Variants in SCN10A observed in about 807,000 individuals in gnomAD.
SCN10A encodes the protein sodium voltage-gated channel alpha subunit 10, also known as sodium channel protein type 10 subunit alpha.
SCN10A carries 162 observed loss-of-function variants against 170.7 expected under a neutral mutation model. The ratio of observed to expected loss-of-function variants is 0.95; its 90% CI spans 0.84 to 1.08. The LOEUF is 1.08. Ranked by LOEUF, SCN10A falls within the 50% of genes least tolerant of loss-of-function variation. SCN10A has a pLI of 0.00. For missense variants in SCN10A, 2,527 were observed against 2,436.9 expected, an observed-to-expected ratio of 1.04 and a Z score of -0.78; for synonymous variants, 985 against 904.6, an observed-to-expected ratio of 1.09 and a Z score of -1.59.
At chr3:38,815,439 C>T (rs1023651889) in intron 1 of SCN10A, among the ~76,000 whole-genome samples, 2 of 152,182 alleles carry the variant, frequency 1.3e-5, no homozygotes, top group African/African-American at 4.8e-5. Context: ...GTCTGTGTTT[C>T]TAAAAAGTTC....
In SCN10A at chr3:38,742,499, G is replaced by T. The variant is rs760993327; in HGVS notation, c.1898C>A (p.Pro633His). The T allele has an allele frequency of 6.2e-7, 1 of 1,614,134 alleles. No homozygotes were observed. Among genetic ancestry groups the T allele is most frequent in the East Asian group, 2.2e-5 (1 of 44,874 alleles). The change falls in exon 14 of 28, where the codon CCC becomes CAC. Residue 633 changes from proline to histidine, a missense_variant. Coordinates refer to ENST00000449082, the MANE Select transcript of SCN10A (RefSeq NM_006514.4). ...CTTCTGAGACAAGCTGGTCAAGCAG[G>T]GTGGGCACTTCTGTTCAGACTCCTC... ...ELEESEQKCP[P>H]CLTSLSQKYL...
chr3:38,804,944 G>T (rs993046043), intron 1 of SCN10A, among the ~76,000 whole-genome samples: 1 of 152,132 alleles, frequency 6.6e-6, no homozygotes, highest in African/African-American at 2.4e-5. Context: ...TTCAAGAACT[G>T]CTGAGTCTTG....
At chr3:38,737,774 CT>C (rs2063581702) in intron 15 of SCN10A, among the ~76,000 whole-genome samples, 2 of 89,134 alleles carry the variant, frequency 2.2e-5, no homozygotes, top group East Asian at 4.4e-4. Flanking sequence ...CCCTCCCTCT[CT>C]CTCTCCCTCC....
At chr3:38,704,002 T>A (rs532659414) in intron 26 of SCN10A, among the ~76,000 whole-genome samples, 1 of 152,178 alleles carries the variant, frequency 6.6e-6, no homozygotes, top group African/African-American at 2.4e-5. Context: ...AAATTTAAAG[T>A]CACCCTTTAT....
At chr3:38,729,035 A>C (rs2063488379) in intron 15 of SCN10A, 134 bp from the exon 16 acceptor site, 1 of 1,111,634 alleles carries the variant, frequency 9.0e-7, no homozygotes, top group African/African-American at 1.6e-5. Flanking sequence ...TTTTCTGGAC[A>C]CTGCTTTTGG....
Position 38,726,877 on chromosome 3 carries a change from G to C in SCN10A, c.2816C>G (p.Pro939Arg). The C allele has an allele frequency of 2.5e-6, 4 of 1,614,214 alleles. No homozygotes were observed. Among genetic ancestry groups the C allele is most frequent in the Non-Finnish European group, 3.4e-6 (4 of 1,180,032 alleles). The stretch of plus-strand genomic sequence containing the variant: ...CAGCTCAGGCTCTGCCTTGGGCTGG[G>C]GGAATGGGCAGGACCTGCTGAAGAA... ...CSFFSRSCPF[P>R]QPKAEPELVV... is the part of the protein sequence containing the mutation. The change falls in exon 17 of 28, where the codon CCC (proline) becomes CGC (arginine). Residue 939 changes from proline (P) to arginine (R), a missense_variant. By Grantham distance (103) the Pro-to-Arg change is moderately radical (BLOSUM62 -2). Transcript: ENST00000449082.
chr3:38,727,640 G>T (rs1409650050), intron 16 of SCN10A, among the ~76,000 whole-genome samples: 3 of 152,156 alleles, frequency 2.0e-5, no homozygotes, highest in Non-Finnish European at 2.9e-5. Flanking sequence ...AGACTAAAGA[G>T]TCTGGATTTG....
intron 1 of SCN10A, among the ~76,000 whole-genome samples, chr3:38,807,319 A>C (rs1304419987): frequency 6.6e-6 from 1 of 152,188 alleles, no homozygotes; most frequent in African/African-American, 2.4e-5. Flanking sequence ...AGGTTTAATT[A>C]GGTGATGTAA....
intron 4 of SCN10A, among the ~76,000 whole-genome samples, chr3:38,773,997 A>G (rs2064040669): frequency 6.6e-6 from 1 of 152,250 alleles, no homozygotes; most frequent in Non-Finnish European, 1.5e-5. Flanking sequence ...GATGAGAAAA[A>G]TGAAATTGCT....
intron 1 of SCN10A, among the ~76,000 whole-genome samples, chr3:38,811,754 A>G (rs2064442812): frequency 6.6e-6 from 1 of 152,154 alleles, no homozygotes; most frequent in South Asian, 2.1e-4. Context: ...CTGGACAACA[A>G]CCCAGATTTT....
chr3:38,747,367 C>CA (rs1482712484), intron 13 of SCN10A, among the ~76,000 whole-genome samples: 1 of 152,178 alleles, frequency 6.6e-6, no homozygotes, highest in Non-Finnish European at 1.5e-5. Context: ...AGGCTGTGAG[C>CA]AAAACAGACA....
intron 4 of SCN10A, among the ~76,000 whole-genome samples, chr3:38,773,057 CT>C (rs1429706841): frequency 1.3e-5 from 2 of 152,036 alleles, no homozygotes; most frequent in African/African-American, 4.8e-5. Flanking sequence ...TGAGCAAGGC[CT>C]TCAAAATTAA....
intron 27 of SCN10A, among the ~76,000 whole-genome samples, chr3:38,700,202 G>A (rs769405373): frequency 2.0e-5 from 3 of 152,102 alleles, no homozygotes; most frequent in Non-Finnish European, 2.9e-5. Flanking sequence ...GGACAAAAAC[G>A]ACATGATTGC....
chr3:38,708,994 A>T (rs1409948160), intron 25 of SCN10A, among the ~76,000 whole-genome samples: 1 of 152,206 alleles, frequency 6.6e-6, no homozygotes, highest in Non-Finnish European at 1.5e-5. Flanking sequence ...ATGAGAGGTT[A>T]TCTGGGATTC....
rs1179259947 is a variant in SCN10A at position 38,742,479 on chromosome 3, G to T, written c.1918C>A (p.Gln640Lys). The T allele has an allele frequency of 1.4e-5, 22 of 1,614,080 alleles. 1 individual carries two copies. In the South Asian group the frequency reaches 2.4e-4, roughly 18 times the overall value. Residue 640 changes from glutamine to lysine, a missense_variant, in exon 14 of 28, where the codon CAG becomes AAG. Transcript: ENST00000449082. ...KCPPCLTSLSQKYLIWDCCPM... is the reference protein window; with the variant it reads ...KCPPCLTSLSKKYLIWDCCPM... ...CAGCAATCCCAGATCAGATACTTCT[G>T]AGACAAGCTGGTCAAGCAGGGTGGG...
At chr3:38,789,855 C>T (rs1035206573) in intron 3 of SCN10A, among the ~76,000 whole-genome samples, 1 of 152,014 alleles carries the variant, frequency 6.6e-6, no homozygotes, top group Non-Finnish European at 1.5e-5. Flanking sequence ...GTAAATTGTT[C>T]CCACTTGGAC....
intron 1 of SCN10A, among the ~76,000 whole-genome samples, chr3:38,813,426 G>A (rs1291535552): frequency 6.6e-6 from 1 of 152,196 alleles, no homozygotes; most frequent in Non-Finnish European, 1.5e-5. Flanking sequence ...TATATAAAAT[G>A]AGTGTATCAG....
chr3:38,697,968 A>G lies in SCN10A; in HGVS notation c.5252T>C (p.Phe1751Ser). Residue 1751 changes from phenylalanine to serine, a missense_variant, in exon 28 of 28, where the codon TTT becomes TCT. Phe to Ser is a radical substitution (Grantham distance 155). Coordinates refer to ENST00000449082, the MANE Select transcript of SCN10A (RefSeq NM_006514.4). The stretch of plus-strand genomic sequence containing the variant: ...AATAAACTGAGTGGCCTCTGGGTCA[A>G]ACTTCTCCCAGGTCTCATAGAACAT... Reference protein sequence around the residue: ...FDMFYETWEKFDPEATQFITF... With the variant: ...FDMFYETWEKSDPEATQFITF... The G allele has an allele frequency of 1.9e-6, 3 of 1,614,142 alleles. No individual in the cohort carries two copies. The highest frequency in any genetic ancestry group is 2.5e-6 in the Non-Finnish European group (3 of 1,180,032).
At chr3:38,706,454 G>A (rs940906371) in intron 26 of SCN10A, among the ~76,000 whole-genome samples, 1 of 152,190 alleles carries the variant, frequency 6.6e-6, no homozygotes, top group Non-Finnish European at 1.5e-5. Flanking sequence ...GAAGGACACA[G>A]GGCCAATTCC....
Sources: allele counts gnomAD v4.1 joint callset (sites outside exome capture counted in the v4.1 genomes callset), GRCh38; gene constraint gnomAD v4.1.1; transcripts MANE v1.5; gene names NCBI Gene and HGNC (gene_info 2026-07-23, HGNC 2026-07-21).